OR5B3: variants seen among roughly 807,000 people sequenced by gnomAD.
OR5B3 encodes the protein olfactory receptor family 5 subfamily B member 3, also known as olfactory receptor 5B3.
For synonymous variants in OR5B3, 150 were observed against 135.0 expected (o/e 1.11, Z -0.77); for missense variants, 430 against 375.4 (o/e 1.15, Z -1.20).
chr11:58,404,550 A>G (rs1590705477), intron 1 of OR5B3, among the ~76,000 whole-genome samples: 1 of 151,722 alleles, frequency 6.6e-6, no homozygotes, highest in Middle Eastern at 3.4e-3. Flanking sequence ...CCATGCTAGG[A>G]CCACTGAGAT....
intron 1 of OR5B3, among the ~76,000 whole-genome samples, chr11:58,403,720 CATCT>C (rs1488593888): frequency 3.9e-5 from 6 of 152,050 alleles, no homozygotes; most frequent in South Asian, 2.1e-4. Context: ...CATCTAGATG[CATCT>C]ATCTGTCAAT....
chr11:58,405,393 T>G (rs1055951166), intron 1 of OR5B3, among the ~76,000 whole-genome samples: 2 of 152,150 alleles, frequency 1.3e-5, no homozygotes, highest in Non-Finnish European at 1.5e-5. Context: ...GTGGTACATA[T>G]ACACCATGGA....
chr11:58,406,717 T>G (rs1855104596), intron 1 of OR5B3, 84 bp downstream of exon 1: 1 of 152,340 alleles, frequency 6.6e-6, no homozygotes, highest in African/African-American at 2.4e-5. Context: ...TGCTCTCAAA[T>G]AGCTTATAGT....
Position 58,403,330 on chromosome 11 carries a change from A to G in OR5B3, c.80T>C (p.Ile27Thr), listed in dbSNP as rs1050076628. ...NDSELQVPLF[I>T]TFPFIYIITL... ...GATAATATAGATGAAGGGGAACGTTATAAAGAGGGGAACCTGCAGTTCTGA... is the reference window on the plus strand; with the variant it reads ...GATAATATAGATGAAGGGGAACGTTGTAAAGAGGGGAACCTGCAGTTCTGA... The change falls in exon 2 of 2, where the codon ATA becomes ACA. Residue 27 changes from isoleucine (I) to threonine (T), a missense_variant. Physicochemically the swap from Ile to Thr is moderately conservative, Grantham distance 89. Coordinates refer to ENST00000641865, the MANE Select transcript of OR5B3 (RefSeq NM_001005469.2). 2 of 1,612,846 alleles carry G rather than the reference A, an allele frequency of 1.2e-6. No individual in the cohort carries two copies. The highest frequency in any genetic ancestry group is 1.7e-6 in the Non-Finnish European group (2 of 1,178,992).
At chr11:58,406,267 T>C (rs1855099262) in intron 1 of OR5B3, among the ~76,000 whole-genome samples, 1 of 152,176 alleles carries the variant, frequency 6.6e-6, no homozygotes. Flanking sequence ...AGTGATATGA[T>C]GCTCCAAAAT....
At chr11:58,405,576 A>G (rs1855088859) in intron 1 of OR5B3, among the ~76,000 whole-genome samples, 1 of 152,152 alleles carries the variant, frequency 6.6e-6, no homozygotes. Flanking sequence ...GGTAGAGAAC[A>G]ACACACACTG....
At chr11:58,404,300 A>G (rs1182052241) in intron 1 of OR5B3, among the ~76,000 whole-genome samples, 1 of 150,186 alleles carries the variant, frequency 6.7e-6, no homozygotes. Context: ...TTCTTCTGTA[A>G]CACTAAAACA....
Position 58,402,920 on chromosome 11 carries a change from G to A in OR5B3, c.490C>T (p.Leu164Phe), listed in dbSNP as rs369150581. The change falls in exon 2 of 2, where the codon CTC becomes TTC. Residue 164 changes from leucine (L) to phenylalanine (F), a missense_variant. By Grantham distance (22) the Leu-to-Phe change is conservative. Coordinates refer to ENST00000641865, the MANE Select transcript of OR5B3 (RefSeq NM_001005469.2). Reference protein sequence around the residue: ...ASIHTGDTFSLSFCKSNEVHH... With the variant: ...ASIHTGDTFSFSFCKSNEVHH... Reference sequence around the variant, plus strand: ...ACTTCATTGGACTTACAGAAAGAGAGACTAAATGTGTCCCCAGTGTGGATG... The same window carrying A: ...ACTTCATTGGACTTACAGAAAGAGAAACTAAATGTGTCCCCAGTGTGGATG... 7 of 1,613,868 alleles carry A rather than the reference G, an allele frequency of 4.3e-6. No individual in the cohort carries two copies. Among genetic ancestry groups the A allele is most frequent in the Non-Finnish European group, 5.9e-6 (7 of 1,179,878 alleles).
At chr11:58,404,718 T>C (rs1319790849) in intron 1 of OR5B3, among the ~76,000 whole-genome samples, 1 of 152,134 alleles carries the variant, frequency 6.6e-6, no homozygotes, top group Non-Finnish European at 1.5e-5. Context: ...AGCCATTCTT[T>C]CTCTTATTAC....
chr11:58,403,415 C>T lies in OR5B3; in HGVS notation c.-6G>A, dbSNP rs1855063401. The T allele has an allele frequency of 1.4e-6, 2 of 1,458,432 alleles. No homozygotes were observed. Among genetic ancestry groups the T allele is most frequent in the Non-Finnish European group, 1.9e-6 (2 of 1,072,604 alleles). The allele number at this position is 1,458,432 out of a possible 1,614,324, so 90.3% of individuals were successfully genotyped here. On this transcript the variant is annotated 5_prime_UTR_variant, in exon 2 of 2. Transcript: ENST00000641865. The stretch of plus-strand genomic sequence containing the variant: ...ACTTCTGTCTTATTTTCCATCACTG[C>T]TCTGGGGGACTCACAGGATGCTTGT...
chr11:58,403,299 C>A lies in OR5B3; in HGVS notation c.111G>T (p.Leu37=). The change falls in exon 2 of 2, where the codon CTG becomes CTT. Residue 37 remains leucine, a synonymous_variant. Coordinates refer to ENST00000641865, the MANE Select transcript of OR5B3 (RefSeq NM_001005469.2). ...ITFPFIYIIT[L]VGNLGIIVLI... The stretch of plus-strand genomic sequence containing the variant: ...ATACAATAATTCCCAGGTTTCCAAC[C>A]AGAGTGATAATATAGATGAAGGGGA... The A allele has an allele frequency of 1.2e-6, 2 of 1,613,086 alleles. No individual in the cohort carries two copies. Among genetic ancestry groups the A allele is most frequent in the Non-Finnish European group, 1.7e-6 (2 of 1,179,244 alleles).
chr11:58,406,000 C>T (rs1273629793), intron 1 of OR5B3, among the ~76,000 whole-genome samples: 1 of 152,176 alleles, frequency 6.6e-6, no homozygotes, highest in Admixed American at 6.5e-5. Flanking sequence ...ATACTAACTA[C>T]TGTTTCCTAC....
rs1372257085 is a variant in OR5B3 at position 58,403,286 on chromosome 11, C to G, written c.124G>C (p.Gly42Arg). ...IYIITLVGNL[G>R]IIVLIFWDSC... Reference sequence around the variant, plus strand: ...TCCCAGAATATCAATACAATAATTCCCAGGTTTCCAACCAGAGTGATAATA... The same window carrying G: ...TCCCAGAATATCAATACAATAATTCGCAGGTTTCCAACCAGAGTGATAATA... The change falls in exon 2 of 2, where the codon GGA (glycine) becomes CGA (arginine). Residue 42 changes from glycine (G) to arginine (R), a missense_variant. Coordinates refer to ENST00000641865, the MANE Select transcript of OR5B3 (RefSeq NM_001005469.2). 6.2e-7 allele frequency: 1 copy of G among 1,613,380 alleles called. No homozygotes were observed. Among genetic ancestry groups the G allele is most frequent in the Non-Finnish European group, 8.5e-7 (1 of 1,179,538 alleles).
rs368566951 is a variant in OR5B3 at position 58,404,609 on chromosome 11, G to T, written c.-26-1174C>A. ...CAGGTTGTTCTTCCTCCAAGCAAAT[G>T]ATTGTCTGCTCCGGAAGATTCACAT... On this transcript the variant is annotated intron_variant, in intron 1 of 1. Transcript: ENST00000641865. Among the ~76,000 whole-genome samples the T allele has an allele frequency of 3.9e-5, 6 of 151,936 alleles. No individual in the cohort carries two copies. The East Asian group carries it at 1.2e-3, about 30-fold the overall frequency.
At position 58,403,018 on chromosome 11, in the gene OR5B3, G is replaced by C; in HGVS notation, c.392C>G (p.Thr131Ser). 1 of 1,614,028 alleles carries C rather than the reference G, an allele frequency of 6.2e-7. No homozygotes were observed. Residue 131 changes from threonine to serine, a missense_variant, in exon 2 of 2, where the codon ACC becomes AGC. Physicochemically the swap from Thr to Ser is moderately conservative, Grantham distance 58. Transcript: ENST00000641865. ...YAAVCKPLHY[T>S]TTMTTTVCAR... ...ACACACAGTTGTTGTCATGGTTGTG[G>C]TGTAATGTAGGGGTTTGCACACTGC...
In OR5B3 at chr11:58,403,133, T is replaced by G. The variant is rs772513378; in HGVS notation, c.277A>C (p.Asn93His). The G allele has an allele frequency of 1.2e-6, 2 of 1,614,086 alleles. No individual in the cohort carries two copies. Among genetic ancestry groups the G allele is most frequent in the Non-Finnish European group, 1.7e-6 (2 of 1,179,956 alleles). ...FLIEDKVISY[N>H]ACAAQMYIFV... The stretch of plus-strand genomic sequence containing the variant: ...ATATACATTTGAGCAGCACATGCAT[T>G]GTAAGAGATGACCTTGTCTTCTATA... Residue 93 changes from asparagine (N) to histidine (H), a missense_variant, in exon 2 of 2, where the codon AAT becomes CAT. By Grantham distance (68) the Asn-to-His change is moderately conservative. Transcript: ENST00000641865.
At position 58,404,825 on chromosome 11, in the gene OR5B3, C is replaced by T. The variant is rs375854994; in HGVS notation, c.-26-1390G>A. Reference sequence around the variant, plus strand: ...ACAGATCTGATTTGGTGGCAAGTTCCATGTGATAAAATATTTTATTTGAAT... The same window carrying T: ...ACAGATCTGATTTGGTGGCAAGTTCTATGTGATAAAATATTTTATTTGAAT... On this transcript the variant is annotated intron_variant, in intron 1 of 1. Coordinates refer to ENST00000641865, the MANE Select transcript of OR5B3 (RefSeq NM_001005469.2). Among the ~76,000 whole-genome samples, 28 of 152,180 alleles carry T rather than the reference C, an allele frequency of 1.8e-4. 1 individual carries two copies. In the South Asian group the frequency reaches 5.8e-3, roughly 32 times the overall value.
At position 58,402,585 on chromosome 11, in the gene OR5B3, G is replaced by A. The variant is rs1288833055; in HGVS notation, c.825C>T (p.Phe275=). The A allele has an allele frequency of 6.2e-7, 1 of 1,613,260 alleles. No homozygotes were observed. Among genetic ancestry groups the A allele is most frequent in the East Asian group, 2.2e-5 (1 of 44,868 alleles). Residue 275 remains phenylalanine (F), a synonymous_variant, in exon 2 of 2, where the codon TTC becomes TTT. Transcript: ENST00000641865. The part of the protein sequence containing the change: ...SMDTDKMAPV[F]YTMVIPMLNP... ...TCAGCATGGGGATGACCATTGTATA[G>A]AACACAGGTGCCATTTTGTCTGTGT... is the stretch of plus-strand genomic sequence containing the variant.
chr11:58,406,177 ATGTG>A (rs372628582), intron 1 of OR5B3, among the ~76,000 whole-genome samples: 3 of 143,202 alleles, frequency 2.1e-5, no homozygotes, highest in Non-Finnish European at 4.7e-5. Context: ...GTGTGTGCGC[ATGTG>A]TGTGTGTGAG....
Sources: gnomAD v4.1 joint callset for allele counts (sites outside exome capture counted in the v4.1 genomes callset) on GRCh38, gnomAD v4.1.1 for gene constraint, MANE v1.5 for transcripts, NCBI Gene and HGNC (gene_info 2026-07-23, HGNC 2026-07-21) for gene names.